The following BABAM2 variants were observed in gnomAD, a reference collection of about 807,000 sequenced individuals.
The protein encoded by BABAM2 is BRISC and BRCA1 A complex member 2.
In BABAM2, 31 loss-of-function variants were observed where a neutral mutation model predicts 54.7. That is an observed-to-expected ratio of 0.57 (90% CI 0.43 to 0.77). BABAM2 has a LOEUF of 0.77. BABAM2 is among the 30% of genes least tolerant of loss of function. The probability of loss-of-function intolerance (pLI) is 0.00; values close to 1 mark genes in which losing one functional copy is unlikely to be tolerated. For synonymous variants in BABAM2, 167 were observed against 162.9 expected (o/e 1.03, Z -0.19); for missense variants, 364 against 455.8 (o/e 0.80, Z 1.83).
chr2:28,324,065 A>G (rs995315202), intron 11 of BABAM2, among the ~76,000 whole-genome samples: 1 of 152,224 alleles, frequency 6.6e-6, no homozygotes, highest in Admixed American at 6.5e-5. Flanking sequence ...ACCTGTAGAC[A>G]CACAGAGCTA....
chr2:27,930,033 C>G (rs1667980458), intron 3 of BABAM2, 125 bp downstream of exon 3: 2 of 815,140 alleles, frequency 2.5e-6, no homozygotes, highest in Non-Finnish European at 3.8e-6. Context: ...CTAGCATTTA[C>G]CACTTTTCTT....
chr2:28,122,579 C>T (rs189148621), intron 6 of BABAM2, among the ~76,000 whole-genome samples: 2 of 152,240 alleles, frequency 1.3e-5, no homozygotes, highest in East Asian at 3.9e-4. Context: ...GTTACGTGAC[C>T]TGTGATTTGC....
At chr2:27,894,860 G>T in intron 2 of BABAM2, 176 bp downstream of exon 2, 1 of 652,194 alleles carries the variant, frequency 1.5e-6, no homozygotes, top group Non-Finnish European at 2.5e-6. Flanking sequence ...TATGTTTCAG[G>T]TTATTTTATT....
intron 7 of BABAM2, among the ~76,000 whole-genome samples, chr2:28,220,974 C>T (rs1680351128): frequency 6.6e-6 from 1 of 152,114 alleles, no homozygotes. Context: ...TACTGTAATA[C>T]TCCCTTCCTC....
chr2:28,141,507 G>A (rs1671055087), intron 7 of BABAM2, among the ~76,000 whole-genome samples: 1 of 152,154 alleles, frequency 6.6e-6, no homozygotes, highest in Non-Finnish European at 1.5e-5. Flanking sequence ...TATTACTGCA[G>A]AATGAGAGAT....
At chr2:28,141,209 G>A (rs1403585720) in intron 7 of BABAM2, among the ~76,000 whole-genome samples, 1 of 152,064 alleles carries the variant, frequency 6.6e-6, no homozygotes, top group Non-Finnish European at 1.5e-5. Flanking sequence ...GTATATGTGT[G>A]TATATATCAC....
intron 3 of BABAM2, among the ~76,000 whole-genome samples, chr2:27,935,175 C>T (rs1245930526): frequency 6.6e-6 from 1 of 152,174 alleles, no homozygotes; most frequent in Non-Finnish European, 1.5e-5. Flanking sequence ...AGCCAAGGAT[C>T]ATTTATCATT....
At chr2:28,233,234 C>A in intron 7 of BABAM2, 3 of 471,402 alleles carry the variant, frequency 6.4e-6, no homozygotes, top group South Asian at 4.6e-5. Context: ...GCCAAGTGGT[C>A]CCTTTCATCT....
intron 6 of BABAM2, among the ~76,000 whole-genome samples, chr2:28,085,577 A>C (rs1402628328): frequency 6.6e-6 from 1 of 152,206 alleles, no homozygotes; most frequent in Non-Finnish European, 1.5e-5. Flanking sequence ...ATGCTTGTCA[A>C]AGTAATGAAT....
chr2:27,959,704 G>A (rs1052854908), intron 3 of BABAM2, among the ~76,000 whole-genome samples: 3 of 152,156 alleles, frequency 2.0e-5, no homozygotes, highest in Admixed American at 1.3e-4. Context: ...TCTGACTTGC[G>A]TAATTTTCCT....
intron 10 of BABAM2, among the ~76,000 whole-genome samples, chr2:28,279,932 T>C (rs1414575913): frequency 1.3e-5 from 2 of 152,012 alleles, no homozygotes; most frequent in Non-Finnish European, 2.9e-5. Context: ...TCTCCCAAAG[T>C]GCTGGGATTA....
rs373615651 is a variant in BABAM2, at chr2:28,124,404, A to G, written c.571-4867A>G. ...CAGAAAAGAAAGTTCAAGGTTGAAT[A>G]CTCTATCATCTATAAAAGAGCAAGA... On this transcript the variant is annotated intron_variant, in intron 6 of 11. Coordinates refer to ENST00000379624, the MANE Select transcript of BABAM2 (RefSeq NM_199191.3). 4.6e-5 allele frequency among the ~76,000 whole-genome samples: 7 copies of G among 152,284 alleles called. No homozygotes were observed. The East Asian group carries it at 1.2e-3, about 25-fold the overall frequency.
At chr2:28,332,717 C>G (rs1171599230) in intron 11 of BABAM2, among the ~76,000 whole-genome samples, 1 of 152,124 alleles carries the variant, frequency 6.6e-6, no homozygotes, top group East Asian at 1.9e-4. Flanking sequence ...AAGCCCTGAC[C>G]AAAACTGCAC....
At chr2:28,305,942 A>G (rs1688481613) in intron 11 of BABAM2, among the ~76,000 whole-genome samples, 2 of 152,070 alleles carry the variant, frequency 1.3e-5, no homozygotes. Context: ...TTATTATTTT[A>G]TTAGAAATAT....
chr2:28,099,855 C>A (rs1353790538), intron 6 of BABAM2, among the ~76,000 whole-genome samples: 1 of 151,798 alleles, frequency 6.6e-6, no homozygotes, highest in Non-Finnish European at 1.5e-5. Context: ...TCTCTTTTAT[C>A]CTCTTGTGGT....
chr2:28,331,443 A>C (rs1481614370), intron 11 of BABAM2, among the ~76,000 whole-genome samples: 1 of 152,190 alleles, frequency 6.6e-6, no homozygotes, highest in African/African-American at 2.4e-5. Context: ...CTAATATCCA[A>C]AATCTACAAG....
At chr2:27,955,718 C>T (rs1298185842) in intron 3 of BABAM2, among the ~76,000 whole-genome samples, 23 of 152,154 alleles carry the variant, frequency 1.5e-4, no homozygotes, top group Admixed American at 1.5e-3. Flanking sequence ...ATTCCCTTAA[C>T]ATTGAGATTT....
chr2:27,942,434 C>T (rs1432919402), intron 3 of BABAM2, among the ~76,000 whole-genome samples: 1 of 151,948 alleles, frequency 6.6e-6, no homozygotes. Flanking sequence ...GATCACAACT[C>T]ACAGCAACCT....
intron 6 of BABAM2, among the ~76,000 whole-genome samples, chr2:28,100,808 T>G (rs915678256): frequency 7.9e-5 from 12 of 152,162 alleles, no homozygotes; most frequent in Non-Finnish European, 2.9e-5. Context: ...TAACACTGAA[T>G]TCAAAGTCAA....
Sources: allele counts gnomAD v4.1 joint callset (sites outside exome capture counted in the v4.1 genomes callset), GRCh38; gene constraint gnomAD v4.1.1; transcripts MANE v1.5; gene names NCBI Gene and HGNC (gene_info 2026-07-23, HGNC 2026-07-21).